The following ITPR3 variants were observed in gnomAD, a reference collection of about 807,000 sequenced individuals.
ITPR3 encodes the protein inositol 1,4,5-trisphosphate-gated calcium channel ITPR3.
Under a neutral mutation model 293.2 loss-of-function variants are expected in ITPR3, and 173 were observed. The observed-to-expected ratio is 0.59, with a 90% CI of 0.52 to 0.67. ITPR3 has a LOEUF of 0.67. Ranked by LOEUF, ITPR3 falls within the 30% of genes least tolerant of loss-of-function variation. ITPR3 has a pLI of 0.00. For synonymous variants in ITPR3, 1,295 were observed against 1,444.4 expected (o/e 0.90, Z 2.35); for missense variants, 2,796 against 3,592.1 (o/e 0.78, Z 5.66).
chr6:33,664,832 T>C lies in ITPR3; in HGVS notation c.1149-38T>C, dbSNP rs771089882. On this transcript the variant is annotated intron_variant, in intron 11 of 57. Transcript: ENST00000605930. This position sits in a 1 kb window ranked among gnomAD's most constrained non-coding sequence, Gnocchi z 4.4. ...GCAGGCAGCATGACGTGCTCTGTGGTGCACTCCCCGAGTCCTTTCCCTCCC... is the reference window on the plus strand; with the variant it reads ...GCAGGCAGCATGACGTGCTCTGTGGCGCACTCCCCGAGTCCTTTCCCTCCC... 6 of 1,579,084 alleles carry C rather than the reference T, an allele frequency of 3.8e-6. No homozygotes were observed. Among genetic ancestry groups the C allele is most frequent in the Non-Finnish European group, 5.2e-6 (6 of 1,151,482 alleles).
intron 2 of ITPR3, among the ~76,000 whole-genome samples, chr6:33,650,524 C>T (rs1310657226): frequency 2.0e-5 from 3 of 152,174 alleles, no homozygotes; most frequent in Admixed American, 6.6e-5. Context: ...GGCTCTGACC[C>T]GCTAGTGGGC....
chr6:33,689,156 T>C, intron 49 of ITPR3, 82 bp from the exon 50 acceptor site: 1 of 1,494,226 alleles, frequency 6.7e-7, no homozygotes, highest in Non-Finnish European at 9.1e-7. Context: ...CAGGAGAAGG[T>C]GGCTTTTCGG....
chr6:33,641,036 C>G (rs895816902), intron 2 of ITPR3, among the ~76,000 whole-genome samples: 1 of 152,106 alleles, frequency 6.6e-6, no homozygotes, highest in African/African-American at 2.4e-5. Flanking sequence ...GTGTGTGAGT[C>G]CTGCCCTGCA....
chr6:33,678,822 G>A lies in ITPR3; in HGVS notation c.3955G>A (p.Asp1319Asn). The change falls in exon 30 of 58, where the codon GAC (aspartate) becomes AAC (asparagine). Residue 1319 changes from aspartate to asparagine, a missense_variant. By Grantham distance (23) the Asp-to-Asn change is conservative. This residue lies in a region of ITPR3 where 344 missense variants were observed against 460.3 expected (regional missense o/e 0.75). Transcript: ENST00000605930. ...AEGKYVKKCQ[D>N]MIMTELTNAG... is the part of the protein sequence containing the mutation. ...GGGCAAGTACGTCAAGAAGTGCCAG[G>A]ACATGATCATGACTGAGGTGAGGGC... The A allele has an allele frequency of 6.2e-7, 1 of 1,613,012 alleles. No individual in the cohort carries two copies. Among genetic ancestry groups the A allele is most frequent in the South Asian group, 1.1e-5 (1 of 90,778 alleles).
intron 24 of ITPR3, 127 bp downstream of exon 24, chr6:33,674,392 C>T: frequency 1.2e-6 from 1 of 861,874 alleles, no homozygotes; most frequent in Non-Finnish European, 1.8e-6. Context: ...CAGACCCTCA[C>T]CGGGCTTTGT....
intron 57 of ITPR3, 50 bp downstream of exon 57, chr6:33,695,135 A>C: frequency 6.3e-7 from 1 of 1,591,232 alleles, no homozygotes; most frequent in Non-Finnish European, 8.6e-7. Context: ...ATCCCTGGGC[A>C]GTCCCTGCCT....
rs1764550395 is a variant in ITPR3, at chr6:33,664,166, A to T, written c.1148+286A>T. On this transcript the variant is annotated intron_variant, in intron 11 of 57. Coordinates refer to ENST00000605930, the MANE Select transcript of ITPR3 (RefSeq NM_002224.4). The surrounding 1 kb of genome is among the most constrained non-coding windows in gnomAD (Gnocchi z 4.4). ...CACCAGCAGCACAGGGAACCCAAAC[A>T]CTGGATGGGAAGGCCAGACTCTCTG... Among the ~76,000 whole-genome samples, 1 of 152,060 alleles carries T rather than the reference A, an allele frequency of 6.6e-6. No homozygotes were observed. The highest frequency in any genetic ancestry group is 1.5e-5 in the Non-Finnish European group (1 of 68,000).
intron 2 of ITPR3, among the ~76,000 whole-genome samples, chr6:33,645,349 A>C (rs1349910214): frequency 6.6e-6 from 1 of 152,128 alleles, no homozygotes; most frequent in African/African-American, 2.4e-5. Flanking sequence ...AACAAACAAA[A>C]AATTAATAAA....
rs760548572 is a variant in ITPR3, at chr6:33,688,728, T to C, written c.6641T>C (p.Phe2214Ser). Residue 2214 changes from phenylalanine (F) to serine (S), a missense_variant, in exon 49 of 58, where the codon TTT (phenylalanine) becomes TCT (serine). Around this residue, in one of 8 missense-constraint regions of ITPR3, gnomAD observed 568 missense variants for 796.1 expected, o/e 0.71. Transcript: ENST00000605930. Reference sequence around the variant, plus strand: ...AGCATCTCCTTCAACCTGGCCGTGTTTATCAACATCATCATTGCCTTCTTC... The same window carrying C: ...AGCATCTCCTTCAACCTGGCCGTGTCTATCAACATCATCATTGCCTTCTTC... ...WGSISFNLAVFINIIIAFFYP... is the reference protein window; with the variant it reads ...WGSISFNLAVSINIIIAFFYP... 27 of 1,614,198 alleles carry C rather than the reference T, an allele frequency of 1.7e-5. No individual in the cohort carries two copies. Among genetic ancestry groups the C allele is most frequent in the Non-Finnish European group, 2.1e-5 (25 of 1,180,024 alleles).
Position 33,632,363 on chromosome 6 carries a change from T to C in ITPR3, c.90-8121T>C, listed in dbSNP as rs1763703345. On this transcript the variant is annotated intron_variant, in intron 1 of 57. Transcript: ENST00000605930. The surrounding 1 kb of genome is among the most constrained non-coding windows in gnomAD (Gnocchi z 4.1). ...GTAGGTTTTGAGTCAGGCTCCTTGA[T>C]AGTCACCTGCCCCACTTCTATCTAG... 6.6e-6 allele frequency among the ~76,000 whole-genome samples: 1 copy of C among 152,154 alleles called. No individual in the cohort carries two copies. The highest frequency in any genetic ancestry group is 6.5e-5 in the Admixed American group (1 of 15,284).
Position 33,638,518 on chromosome 6 carries a change from C to T in ITPR3, c.90-1966C>T, listed in dbSNP as rs936607870. Among the ~76,000 whole-genome samples, 5 of 152,192 alleles carry T rather than the reference C, an allele frequency of 3.3e-5. No individual in the cohort carries two copies. The highest frequency in any genetic ancestry group is 7.3e-5 in the Non-Finnish European group (5 of 68,030). ...GTGGTTGAAAGAGGCTTGGAATGAA[C>T]AAAATTCATGCCATTTCATCTTTAT... On this transcript the variant is annotated intron_variant, in intron 1 of 57. Coordinates refer to ENST00000605930, the MANE Select transcript of ITPR3 (RefSeq NM_002224.4). The surrounding 1 kb of genome is among the most constrained non-coding windows in gnomAD (Gnocchi z 4.3).
At chr6:33,653,712 G>A (rs1764244649) in intron 2 of ITPR3, among the ~76,000 whole-genome samples, 1 of 152,184 alleles carries the variant, frequency 6.6e-6, no homozygotes, top group South Asian at 2.1e-4. Flanking sequence ...TAATCTCTGT[G>A]GTGCAGGCGT....
chr6:33,675,820 C>A lies in ITPR3; in HGVS notation c.3246C>A (p.Phe1082Leu). ...CCCTGCAGCTGCTCTTCAAGCACTT[C>A]AGCCAGCGCCAGGAGGCCATGCACA... Reference protein sequence around the residue: ...SGALQLLFKHFSQRQEAMHTF... With the variant: ...SGALQLLFKHLSQRQEAMHTF... Residue 1082 changes from phenylalanine to leucine, a missense_variant, in exon 25 of 58, where the codon TTC becomes TTA. By Grantham distance (22) the Phe-to-Leu change is conservative. Around this residue, in one of 8 missense-constraint regions of ITPR3, gnomAD observed 955 missense variants for 1,180.8 expected, o/e 0.81. Coordinates refer to ENST00000605930, the MANE Select transcript of ITPR3 (RefSeq NM_002224.4). This position sits in a 1 kb window ranked among gnomAD's most constrained non-coding sequence, Gnocchi z 5.0. 6.3e-7 allele frequency: 1 copy of A among 1,587,164 alleles called. No homozygotes were observed. Among genetic ancestry groups the A allele is most frequent in the Middle Eastern group, 1.7e-4 (1 of 6,018 alleles).
chr6:33,659,727 G>A (rs569528046), intron 7 of ITPR3, among the ~76,000 whole-genome samples, 178 bp downstream of exon 7: 6 of 152,184 alleles, frequency 3.9e-5, no homozygotes, highest in Admixed American at 6.5e-5. Context: ...CAGGGCTGCC[G>A]CTTCTCTCGT....
chr6:33,669,673 T>A (rs532619959), intron 18 of ITPR3, among the ~76,000 whole-genome samples: 5 of 152,378 alleles, frequency 3.3e-5, no homozygotes, highest in African/African-American at 9.6e-5. Flanking sequence ...GGCACTTTTT[T>A]AAGCACTTGT....
chr6:33,661,992 G>GAAAAAAAAAAAAAACAAAAAAAAAA (rs1764482234), intron 7 of ITPR3, among the ~76,000 whole-genome samples: 1 of 47,186 alleles, frequency 2.1e-5, no homozygotes, highest in African/African-American at 6.6e-5. Flanking sequence ...GACTGTCTCT[G>GAAAAAAAAAAAAAACAAAAAAAAAA]AAAAAAAAAA....
In ITPR3 at chr6:33,677,061, G is replaced by C. The variant is rs764737286; in HGVS notation, c.3494G>C (p.Ser1165Thr). 21 of 1,614,064 alleles carry C rather than the reference G, an allele frequency of 1.3e-5. No individual in the cohort carries two copies. Among genetic ancestry groups the C allele is most frequent in the Non-Finnish European group, 1.6e-5 (19 of 1,180,036 alleles). ...EGFLHPPGEK[S>T]SENYQIVKGI... The stretch of plus-strand genomic sequence containing the variant: ...TTTCTGCACCCACCAGGGGAGAAAA[G>C]CAGTGAGAACTACCAGATCGTCAAG... Residue 1165 changes from serine to threonine, a missense_variant, in exon 27 of 58, where the codon AGC becomes ACC. Ser to Thr is a moderately conservative substitution (Grantham distance 58, BLOSUM62 1). Transcript: ENST00000605930.
In ITPR3 at chr6:33,669,107, G is replaced by A. The variant is rs748085345; in HGVS notation, c.2140G>A (p.Glu714Lys). Residue 714 changes from glutamate to lysine, a missense_variant, in exon 18 of 58, where the codon GAG becomes AAG. Around this residue, in one of 8 missense-constraint regions of ITPR3, gnomAD observed 955 missense variants for 1,180.8 expected, o/e 0.81. Transcript: ENST00000605930. ...GAAGAGTGTGAGGCAGCTGGCCCAG[G>A]AGGCGCGGGCCGGCAACGCCCACGA... ...HEKSVRQLAQ[E>K]ARAGNAHDEN... The A allele has an allele frequency of 2.5e-6, 4 of 1,614,012 alleles. No homozygotes were observed. In the African/African-American group the frequency reaches 4.0e-5, roughly 16 times the overall value.
intron 2 of ITPR3, among the ~76,000 whole-genome samples, chr6:33,647,827 C>G (rs948579436): frequency 6.6e-6 from 1 of 152,118 alleles, no homozygotes; most frequent in Non-Finnish European, 1.5e-5. Flanking sequence ...CAAAGACCCT[C>G]TTCTGTGGTC....
Sources: gnomAD v4.1 joint callset for allele counts (sites outside exome capture counted in the v4.1 genomes callset) on GRCh38, gnomAD v4.1.1 for gene constraint, gnomAD v4.1.1 regional missense constraint, Gnocchi (gnomAD v3.1) non-coding constraint, MANE v1.5 for transcripts, NCBI Gene and HGNC (gene_info 2026-07-23, HGNC 2026-07-21) for gene names.